The following RBM5 variants were observed in gnomAD, a reference collection of about 807,000 sequenced individuals.
The protein encoded by RBM5 is RNA-binding protein 5.
In RBM5, 15 loss-of-function variants were observed where a neutral mutation model predicts 124.6. That is an observed-to-expected ratio of 0.12 (90% CI 0.08 to 0.19). The LOEUF (loss-of-function observed/expected upper bound fraction) is 0.19. RBM5 is among the 10% of genes least tolerant of loss of function. The pLI is 1.00. For synonymous variants in RBM5, 337 were observed against 361.2 expected (o/e 0.93, Z 0.76); for missense variants, 580 against 1,026.5 (o/e 0.57, Z 5.94).
At chr3:50,105,515 G>C (rs765539462) in intron 9 of RBM5, 34 bp from the exon 10 acceptor site, 2 of 1,600,686 alleles carry the variant, frequency 1.2e-6, no homozygotes, top group Non-Finnish European at 1.7e-6. Context: ...TGGTGGGAAT[G>C]CATGTGTATG....
chr3:50,103,828 A>G (rs2090985495), intron 7 of RBM5, among the ~76,000 whole-genome samples: 1 of 152,190 alleles, frequency 6.6e-6, no homozygotes, highest in South Asian at 2.1e-4. Flanking sequence ...ACCATTTTGA[A>G]CTTGAATGTT....
chr3:50,118,602 C>G lies in RBM5; in HGVS notation c.*146C>G. The G allele has an allele frequency of 9.3e-6, 12 of 1,284,618 alleles. No individual in the cohort carries two copies. The South Asian group carries it at 1.8e-4, about 19-fold the overall frequency. The allele number at this position is 1,284,618 out of a possible 1,614,324, so 79.6% of individuals were successfully genotyped here. A position where few individuals can be genotyped will look rare whatever the true frequency, so the allele number is the denominator to read the frequency against. The stretch of plus-strand genomic sequence containing the variant: ...ACTTCATTCTGCAGGGTTCTCCCTC[C>G]CACCTTAAAGAAGTTCCCCTTATGT... On this transcript the variant is annotated 3_prime_UTR_variant, in exon 25 of 25. Transcript: ENST00000347869.
rs1340890967 is a variant in RBM5, at chr3:50,100,753, ATAAG to A, written c.483+151_483+154del. ...ATATATTAAAATTGATGTTACTAGA[ATAAG>A]TACAGTACCAAGGACTTCATTATAG... On this transcript the variant is annotated intron_variant, in intron 6 of 24. Coordinates refer to ENST00000347869, the MANE Select transcript of RBM5 (RefSeq NM_005778.4). The surrounding 1 kb of genome is among the most constrained non-coding windows in gnomAD (Gnocchi z 5.1). 6.8e-6 allele frequency: 4 copies of A among 591,700 alleles called. No individual in the cohort carries two copies. In the East Asian group the frequency reaches 8.3e-5, roughly 12 times the overall value. The allele number at this position is 591,700 out of a possible 1,614,324, so 36.7% of individuals were successfully genotyped here.
intron 1 of RBM5, among the ~76,000 whole-genome samples, chr3:50,089,242 T>C (rs2108979425): frequency 6.6e-6 from 1 of 152,350 alleles, no homozygotes; most frequent in Middle Eastern, 3.4e-3. Context: ...TTGGGCCTGC[T>C]TCTTTCTGGC....
Position 50,117,538 on chromosome 3 carries a change from T to A in RBM5, c.2322+159T>A, listed in dbSNP as rs2091277855. 1 of 1,058,050 alleles carries A rather than the reference T, an allele frequency of 9.5e-7. No individual in the cohort carries two copies. Among genetic ancestry groups the A allele is most frequent in the Non-Finnish European group, 1.3e-6 (1 of 753,362 alleles). The allele number at this position is 1,058,050 out of a possible 1,614,324, so 65.5% of individuals were successfully genotyped here. A position where few individuals can be genotyped will look rare whatever the true frequency, so the allele number is the denominator to read the frequency against. ...GCTCACACCTGTAATCCCAGCACTT[T>A]GGGAGGCCGAGGAGGGTGGATTGCC... is the stretch of plus-strand genomic sequence containing the variant. On this transcript the variant is annotated intron_variant, in intron 24 of 24. Coordinates refer to ENST00000347869, the MANE Select transcript of RBM5 (RefSeq NM_005778.4). This position sits in a 1 kb window ranked among gnomAD's most constrained non-coding sequence, Gnocchi z 4.2.
chr3:50,096,776 GT>G (rs1322637064), intron 4 of RBM5, among the ~76,000 whole-genome samples: 20 of 141,888 alleles, frequency 1.4e-4, no homozygotes, highest in East Asian at 4.1e-4. Context: ...TTTATCGTTT[GT>G]TTTTTTTTTT....
chr3:50,111,434 T>C (rs938972452), intron 17 of RBM5, among the ~76,000 whole-genome samples: 1 of 152,188 alleles, frequency 6.6e-6, no homozygotes, highest in African/African-American at 2.4e-5. Context: ...ATTTTTTTTG[T>C]GGCACGATCT....
In RBM5 at chr3:50,107,890, T is replaced by C. The variant is rs558227117; in HGVS notation, c.1042-180T>C. 2.0e-5 allele frequency among the ~76,000 whole-genome samples: 3 copies of C among 151,968 alleles called. No individual in the cohort carries two copies. In the East Asian group the frequency reaches 5.8e-4, roughly 29 times the overall value. On this transcript the variant is annotated intron_variant, in intron 12 of 24. Coordinates refer to ENST00000347869, the MANE Select transcript of RBM5 (RefSeq NM_005778.4). ...TAGTAGAGATGGGATTTCACCACGT[T>C]GGCCAGGCTGGTCTTGAACTCCTGA... is the stretch of plus-strand genomic sequence containing the variant.
chr3:50,109,655 G>A lies in RBM5; in HGVS notation c.1245G>A (p.Leu415=), dbSNP rs1240109941. The A allele has an allele frequency of 1.2e-6, 2 of 1,613,882 alleles. No individual in the cohort carries two copies. Among genetic ancestry groups the A allele is most frequent in the Non-Finnish European group, 1.7e-6 (2 of 1,179,930 alleles). The part of the protein sequence containing the change: ...SAAVVSQSPQ[L]YNQTSNPPGS... ...CTGTAGTGTCCCAGAGTCCTCAGCT[G>A]TATAATCAAACCTCCAATCCACCTG... Residue 415 remains leucine, a synonymous_variant, in exon 15 of 25, where the codon CTG becomes CTA. Coordinates refer to ENST00000347869, the MANE Select transcript of RBM5 (RefSeq NM_005778.4).
Position 50,098,043 on chromosome 3 carries a change from G to A in RBM5, c.340-1939G>A, listed in dbSNP as rs1473915963. 2.0e-5 allele frequency among the ~76,000 whole-genome samples: 3 copies of A among 152,068 alleles called. No individual in the cohort carries two copies. In the East Asian group the frequency reaches 5.8e-4, roughly 29 times the overall value. On this transcript the variant is annotated intron_variant, in intron 4 of 24. Transcript: ENST00000347869. Reference sequence around the variant, plus strand: ...ACCCAGGAGGCGGAGGTTGCAGTGAGCCGAGATCATGCCATTGCTCTCCAG... The same window carrying A: ...ACCCAGGAGGCGGAGGTTGCAGTGAACCGAGATCATGCCATTGCTCTCCAG...
Position 50,118,542 on chromosome 3 carries a change from A to G in RBM5, c.*86A>G, listed in dbSNP as rs2091300940. ...TGTTACCGCCTGTCTCTTTAAGGGC[A>G]TGCCTTGTGCTGTTAATAGATCTTA... On this transcript the variant is annotated 3_prime_UTR_variant, in exon 25 of 25. Coordinates refer to ENST00000347869, the MANE Select transcript of RBM5 (RefSeq NM_005778.4). 1.3e-6 allele frequency: 2 copies of G among 1,515,484 alleles called. No homozygotes were observed. Among genetic ancestry groups the G allele is most frequent in the Non-Finnish European group, 8.9e-7 (1 of 1,119,350 alleles). 93.9% of individuals were successfully genotyped at this position (1,515,484 alleles called of 1,614,324 possible). A position where few individuals can be genotyped will look rare whatever the true frequency, so the allele number is the denominator to read the frequency against.
rs1459075846 is a variant in RBM5, at chr3:50,090,333, C to T, written c.-53-49C>T. ...AGTATCCAAGCTATGGAGCTGCTGA[C>T]TTAAGTGATCTCTGAGATTTATAGC... On this transcript the variant is annotated intron_variant, in intron 1 of 24. Coordinates refer to ENST00000347869, the MANE Select transcript of RBM5 (RefSeq NM_005778.4). 9 of 1,338,328 alleles carry T rather than the reference C, an allele frequency of 6.7e-6. No homozygotes were observed. The East Asian group carries it at 1.9e-4, about 28-fold the overall frequency. The allele number at this position is 1,338,328 out of a possible 1,614,324, so 82.9% of individuals were successfully genotyped here. A position where few individuals can be genotyped will look rare whatever the true frequency, so the allele number is the denominator to read the frequency against.
Position 50,105,682 on chromosome 3 carries a change from C to T in RBM5, c.828C>T (p.Phe276=), listed in dbSNP as rs202222023. 5.0e-6 allele frequency: 8 copies of T among 1,614,164 alleles called. No individual in the cohort carries two copies. Among genetic ancestry groups the T allele is most frequent in the South Asian group, 4.4e-5 (4 of 91,078 alleles). ...KDKQTQQNRG[F]AFVQLSSAMD... Reference sequence around the variant, plus strand: ...AACAGACCCAGCAGAACAGAGGCTTCGCATTTGTGCAGCTGTCCTCTGCAA... The same window carrying T: ...AACAGACCCAGCAGAACAGAGGCTTTGCATTTGTGCAGCTGTCCTCTGCAA... The change falls in exon 10 of 25, where the codon TTC becomes TTT. Residue 276 remains phenylalanine (F), a synonymous_variant. Coordinates refer to ENST00000347869, the MANE Select transcript of RBM5 (RefSeq NM_005778.4).
At chr3:50,110,147 G>T (rs534452437) in intron 15 of RBM5, among the ~76,000 whole-genome samples, 1 of 152,338 alleles carries the variant, frequency 6.6e-6, no homozygotes, top group African/African-American at 2.4e-5. Flanking sequence ...GGAGACGGAG[G>T]TTGCAGTGAG....
At chr3:50,102,124 C>T (rs1002048388) in intron 6 of RBM5, 1 of 152,120 alleles carries the variant, frequency 6.6e-6, no homozygotes, top group Non-Finnish European at 1.5e-5. Flanking sequence ...TATCTAACCA[C>T]CTACTTAAAT....
At chr3:50,111,241 G>A (rs1420069984) in intron 17 of RBM5, among the ~76,000 whole-genome samples, 1 of 152,146 alleles carries the variant, frequency 6.6e-6, no homozygotes, top group African/African-American at 2.4e-5. Context: ...ACCTTTTAGA[G>A]TGTACAAATC....
At chr3:50,115,392 T>C in intron 20 of RBM5, 36 bp from the exon 21 acceptor site, 2 of 1,601,352 alleles carry the variant, frequency 1.2e-6, no homozygotes, top group Non-Finnish European at 1.7e-6. Flanking sequence ...CTTCCTATTG[T>C]ACATTTCCAG....
intron 2 of RBM5, among the ~76,000 whole-genome samples, chr3:50,090,804 G>A (rs1024967686): frequency 6.6e-6 from 1 of 152,224 alleles, no homozygotes; most frequent in Admixed American, 6.5e-5. Context: ...GGTTCCCTGT[G>A]TGGACAGCAA....
rs1414533617 is a variant in RBM5, at chr3:50,106,927, C to T, written c.953+63C>T. ...TATGCACATTTGTACAGTGTGCTAA[C>T]TGAACGCCAAGCCTGTGCCCCAAGT... is the stretch of plus-strand genomic sequence containing the variant. On this transcript the variant is annotated intron_variant, in intron 11 of 24. Coordinates refer to ENST00000347869, the MANE Select transcript of RBM5 (RefSeq NM_005778.4). 5.2e-6 allele frequency: 7 copies of T among 1,340,704 alleles called. No homozygotes were observed. In the African/African-American group the frequency reaches 8.7e-5, roughly 17 times the overall value. The allele number at this position is 1,340,704 out of a possible 1,614,324, so 83.1% of individuals were successfully genotyped here.
Sources: allele counts gnomAD v4.1 joint callset (sites outside exome capture counted in the v4.1 genomes callset), GRCh38; gene constraint gnomAD v4.1.1; non-coding constraint Gnocchi (gnomAD v3.1); transcripts MANE v1.5; gene names NCBI Gene and HGNC (gene_info 2026-07-23, HGNC 2026-07-21).